Variants in TNRC6B observed in about 807,000 individuals in gnomAD.
TNRC6B encodes the protein trinucleotide repeat-containing gene 6B protein.
TNRC6B carries 52 observed loss-of-function variants against 203.6 expected under a neutral mutation model. The ratio of observed to expected loss-of-function variants is 0.26; its 90% CI spans 0.20 to 0.32. The LOEUF (loss-of-function observed/expected upper bound fraction) is 0.32, where lower values mean the gene tolerates loss of function less well. TNRC6B is among the 10% of genes least tolerant of loss of function. The pLI is 1.00. For synonymous variants in TNRC6B, 838 were observed against 845.7 expected, an observed-to-expected ratio of 0.99 and a Z score of 0.16; for missense variants, 1,923 against 2,286.2, an observed-to-expected ratio of 0.84 and a Z score of 3.24.
chr22:40,145,087 ATTT>A (rs1160221317), intron 3 of TNRC6B, among the ~76,000 whole-genome samples: 22 of 138,250 alleles, frequency 1.6e-4, no homozygotes, highest in Admixed American at 4.6e-4. Context: ...AAAAAAAAAA[ATTT>A]TTTTAATTAG....
At chr22:40,119,098 C>T (rs934017800) in intron 2 of TNRC6B, among the ~76,000 whole-genome samples, 2 of 152,118 alleles carry the variant, frequency 1.3e-5, no homozygotes, top group African/African-American at 4.8e-5. Context: ...AAAATATTAA[C>T]ATATTTGGCA....
chr22:40,045,164 G>A (rs1318211805), intron 1 of TNRC6B, among the ~76,000 whole-genome samples: 4 of 145,386 alleles, frequency 2.8e-5, no homozygotes, highest in African/African-American at 9.8e-5. Context: ...GAGCGCGCGT[G>A]GGGCGGGGAG....
At chr22:40,319,679 C>T (rs942591320) in intron 21 of TNRC6B, among the ~76,000 whole-genome samples, 1 of 152,166 alleles carries the variant, frequency 6.6e-6, no homozygotes, top group Non-Finnish European at 1.5e-5. Flanking sequence ...CCACCTCAGT[C>T]TTCCAAAGTG....
At chr22:40,275,252 A>G (rs545492514) in intron 7 of TNRC6B, among the ~76,000 whole-genome samples, 2 of 152,152 alleles carry the variant, frequency 1.3e-5, no homozygotes, top group African/African-American at 2.4e-5. Flanking sequence ...CATTCCTTGC[A>G]CTCTTAGGTT....
At chr22:40,299,144 C>CA (rs1252985941) in intron 12 of TNRC6B, among the ~76,000 whole-genome samples, 1,115 of 43,134 alleles carry the variant, frequency 0.026, 12 homozygotes, top group African/African-American at 0.072. Context: ...GACCCTGTCT[C>CA]AAAAAAAAAA....
chr22:40,069,061 A>C (rs995689018), intron 1 of TNRC6B, among the ~76,000 whole-genome samples: 1 of 152,144 alleles, frequency 6.6e-6, no homozygotes, highest in African/African-American at 2.4e-5. Context: ...TAAAGGTAGC[A>C]TTATCCTTTG....
chr22:40,178,945 C>T (rs2069099864), intron 1 of TNRC6B, among the ~76,000 whole-genome samples: 1 of 152,158 alleles, frequency 6.6e-6, no homozygotes, highest in Non-Finnish European at 1.5e-5. Context: ...ATCAGTTCTC[C>T]CTGTGTATTA....
intron 3 of TNRC6B, among the ~76,000 whole-genome samples, chr22:40,131,320 A>G (rs2068543385): frequency 6.6e-6 from 1 of 151,778 alleles, no homozygotes; most frequent in Non-Finnish European, 1.5e-5. Flanking sequence ...TTGGAGAGAG[A>G]TGTTTATTGA....
At chr22:40,132,943 CAAAAAA>C (rs71199270) in intron 3 of TNRC6B, among the ~76,000 whole-genome samples, 1 of 23,878 alleles carries the variant, frequency 4.2e-5, no homozygotes, top group African/African-American at 2.6e-4. Flanking sequence ...GACTCTGTCT[CAAAAAA>C]AAAAAAAAAA....
intron 1 of TNRC6B, among the ~76,000 whole-genome samples, chr22:40,204,482 G>T (rs1333225820): frequency 6.6e-6 from 1 of 152,218 alleles, no homozygotes. Context: ...CCTGGCTACG[G>T]GCTTGACCTT....
intron 1 of TNRC6B, among the ~76,000 whole-genome samples, chr22:40,202,241 GTGT>G (rs1004971421): frequency 9.0e-5 from 8 of 88,528 alleles, no homozygotes; most frequent in Non-Finnish European, 6.2e-5. Context: ...AAATGTGTAT[GTGT>G]TGTTGTTGTT....
chr22:40,134,411 T>C (rs2068581025), intron 3 of TNRC6B, among the ~76,000 whole-genome samples: 1 of 152,038 alleles, frequency 6.6e-6, no homozygotes, highest in Non-Finnish European at 1.5e-5. Flanking sequence ...TCCTGAAAAC[T>C]CAAGGAAAAC....
At position 40,281,194 on chromosome 22, in the gene TNRC6B, A is replaced by C; in HGVS notation, c.3487A>C (p.Ser1163Arg). 6.4e-7 allele frequency: 1 copy of C among 1,551,542 alleles called. No homozygotes were observed. Among genetic ancestry groups the C allele is most frequent in the Non-Finnish European group, 8.7e-7 (1 of 1,146,900 alleles). Residue 1163 changes from serine to arginine, a missense_variant, in exon 11 of 23, where the codon AGC becomes CGC. Transcript: ENST00000454349. ...APCSPFSPSP[S>R]YKLSPSGSTL... is the part of the protein sequence containing the mutation. ...CTGCTCTCCCTTCTCCCCTTCTCCCAGCTACAAGCTGTCTCCCTCTGGTTC... is the reference window on the plus strand; with the variant it reads ...CTGCTCTCCCTTCTCCCCTTCTCCCCGCTACAAGCTGTCTCCCTCTGGTTC...
At chr22:40,079,762 G>A (rs1416792735) in intron 1 of TNRC6B, among the ~76,000 whole-genome samples, 1 of 151,664 alleles carries the variant, frequency 6.6e-6, no homozygotes, top group African/African-American at 2.4e-5. Flanking sequence ...GGAATTACAG[G>A]CATGTACCAC....
At chr22:40,125,410 G>A (rs2068481840) in intron 2 of TNRC6B, among the ~76,000 whole-genome samples, 1 of 152,152 alleles carries the variant, frequency 6.6e-6, no homozygotes, top group South Asian at 2.1e-4. Flanking sequence ...CAACAGGTGC[G>A]CCGCTTTGCT....
intron 9 of TNRC6B, among the ~76,000 whole-genome samples, chr22:40,278,661 A>T (rs1247315066): frequency 6.6e-6 from 1 of 151,890 alleles, no homozygotes; most frequent in Non-Finnish European, 1.5e-5. Context: ...GCTGCTCTGG[A>T]GGAATCCAGG....
intron 1 of TNRC6B, among the ~76,000 whole-genome samples, chr22:40,231,913 C>A (rs772608133): frequency 1.3e-5 from 2 of 152,184 alleles, no homozygotes; most frequent in Non-Finnish European, 2.9e-5. Flanking sequence ...ATATTGACTT[C>A]TTTTCTGCTT....
At position 40,227,841 on chromosome 22, in the gene TNRC6B, C is replaced by T. The variant is rs1601901863; in HGVS notation, c.6-18174C>T. On this transcript the variant is annotated intron_variant, in intron 1 of 22. Transcript: ENST00000454349. ...GAAAACACCTGAATGTTTAGAAGAG[C>T]TGTCCCACCAGTTACTGTTATAAGT... is the stretch of plus-strand genomic sequence containing the variant. Among the ~76,000 whole-genome samples, 3 of 152,270 alleles carry T rather than the reference C, an allele frequency of 2.0e-5. No homozygotes were observed. The East Asian group carries it at 5.8e-4, about 29-fold the overall frequency.
chr22:40,279,019 G>A (rs2070690193), intron 9 of TNRC6B, among the ~76,000 whole-genome samples: 1 of 152,238 alleles, frequency 6.6e-6, no homozygotes, highest in South Asian at 2.1e-4. Flanking sequence ...GGGATTGCAG[G>A]TGTGAACCAC....
Sources: allele counts gnomAD v4.1 joint callset (sites outside exome capture counted in the v4.1 genomes callset), GRCh38; gene constraint gnomAD v4.1.1; transcripts MANE v1.5; gene names NCBI Gene and HGNC (gene_info 2026-07-23, HGNC 2026-07-21).